SSTR5: variants seen among roughly 807,000 people sequenced by gnomAD.
SSTR5 encodes somatostatin receptor type 5.
SSTR5 carries 1 observed loss-of-function variant against 0.3 expected under a neutral mutation model. The observed-to-expected ratio is 2.98, with a 90% CI of 1.06 to 14.15. The LOEUF is 14.15. Ranked by LOEUF, SSTR5 falls within the 30% of genes most tolerant of loss-of-function variation. The pLI, the probability that SSTR5 is intolerant of heterozygous loss-of-function variation, is 0.12. For missense variants in SSTR5, 516 were observed against 543.2 expected, an observed-to-expected ratio of 0.95 and a Z score of 0.50; for synonymous variants, 256 against 263.1, an observed-to-expected ratio of 0.97 and a Z score of 0.26.
rs775435241 is a variant in SSTR5 at position 1,079,676 on chromosome 16, G to A, written c.808G>A (p.Val270Ile). Residue 270 changes from valine (V) to isoleucine (I), a missense_variant, in exon 2 of 2, where the codon GTC (valine) becomes ATC (isoleucine). Coordinates refer to ENST00000689027, the MANE Select transcript of SSTR5 (RefSeq NM_001172560.3). Reference protein sequence around the residue: ...CWLPFFTVNIVNLAVALPQEP... With the variant: ...CWLPFFTVNIINLAVALPQEP... ...GCTGCCCTTCTTCACCGTCAACATC[G>A]TCAACCTGGCCGTGGCGCTGCCCCA... The A allele has an allele frequency of 5.5e-5, 88 of 1,612,330 alleles. No individual in the cohort carries two copies. The highest frequency in any genetic ancestry group is 1.6e-4 in the East Asian group (7 of 44,872).
chr16:1,075,843 CCTCCCT>C (rs1284940670), intron 1 of SSTR5, among the ~76,000 whole-genome samples: 3 of 147,332 alleles, frequency 2.0e-5, no homozygotes, highest in Admixed American at 6.7e-5. Flanking sequence ...GGCCTCTTCC[CCTCCCT>C]CTCCCTCTCC....
At chr16:1,075,041 C>G (rs1316807790) in intron 1 of SSTR5, among the ~76,000 whole-genome samples, 1 of 152,192 alleles carries the variant, frequency 6.6e-6, no homozygotes, top group Admixed American at 6.5e-5. Flanking sequence ...AAAGCTCCTA[C>G]TGCTGGCTCC....
intron 1 of SSTR5, among the ~76,000 whole-genome samples, chr16:1,073,374 G>C (rs7500290): frequency 0.35 from 53,088 of 152,194 alleles, 9,986 homozygotes; most frequent in East Asian, 0.78. Flanking sequence ...TTGGGTGCCG[G>C]GGGAGGCAAC....
chr16:1,078,330 A>G (rs149687051), intron 1 of SSTR5: 203 of 160,044 alleles, frequency 1.3e-3, no homozygotes, highest in African/African-American at 3.3e-3. Flanking sequence ...GCCACTTCTC[A>G]GGTCGTCCTA....
At chr16:1,078,687 A>T in intron 1 of SSTR5, 155 bp from the exon 2 acceptor site, 1 of 721,318 alleles carries the variant, frequency 1.4e-6, no homozygotes, top group Non-Finnish European at 2.3e-6. Flanking sequence ...CAATTTGCTT[A>T]ACGTGATTCC....
chr16:1,078,963 C>T lies in SSTR5; in HGVS notation c.95C>T (p.Pro32Leu), dbSNP rs749691727. Reference protein sequence around the residue: ...GGGDNRTLVGPAPSAGARAVL... With the variant: ...GGGDNRTLVGLAPSAGARAVL... ...GGTGACAACAGGACGCTGGTGGGGC[C>T]GGCGCCCTCGGCAGGGGCCCGGGCG... is the stretch of plus-strand genomic sequence containing the variant. The change falls in exon 2 of 2, where the codon CCG becomes CTG. Residue 32 changes from proline (P) to leucine (L), a missense_variant. Physicochemically the swap from Pro to Leu is moderately conservative, Grantham distance 98. Transcript: ENST00000689027. 5.3e-5 allele frequency: 84 copies of T among 1,591,220 alleles called. No individual in the cohort carries two copies. Among genetic ancestry groups the T allele is most frequent in the Middle Eastern group, 3.5e-4 (2 of 5,796 alleles).
intron 1 of SSTR5, among the ~76,000 whole-genome samples, chr16:1,076,433 CT>C (rs1203293332): frequency 6.7e-6 from 1 of 149,508 alleles, no homozygotes; most frequent in Non-Finnish European, 1.5e-5. Flanking sequence ...GGAATCCGTC[CT>C]GTCTCTCTGG....
chr16:1,080,009 G>A lies in SSTR5; in HGVS notation c.*46G>A, dbSNP rs750413876. The A allele has an allele frequency of 4.0e-5, 61 of 1,539,494 alleles. No homozygotes were observed. Among genetic ancestry groups the A allele is most frequent in the Non-Finnish European group, 6.1e-6 (7 of 1,144,454 alleles). ...CGGCCCCGTGTCACCCCCAGGAGCG[G>A]AGGTTGCACTGCGGTGACCCCCACC... On this transcript the variant is annotated 3_prime_UTR_variant, in exon 2 of 2. Transcript: ENST00000689027.
Position 1,080,718 on chromosome 16 carries a change from G to A in SSTR5, c.*755G>A, listed in dbSNP as rs1596238715. ...GTGCAGAGGAGAGCTGGGGGCTGAG[G>A]TTGGGGTGAAGGCTGCAGCCCTCCA... On this transcript the variant is annotated 3_prime_UTR_variant, in exon 2 of 2. Transcript: ENST00000689027. 6.6e-6 allele frequency among the ~76,000 whole-genome samples: 1 copy of A among 152,208 alleles called. No individual in the cohort carries two copies. Among genetic ancestry groups the A allele is most frequent in the East Asian group, 1.9e-4 (1 of 5,178 alleles).
Position 1,078,772 on chromosome 16 carries a change from G to A in SSTR5, c.-27-70G>A, listed in dbSNP as rs1331374262. ...CCTGGCAGGCGGGGCTGGGGCCCAG[G>A]AGGAAGGAATGCCTGCATGTGCTGG... On this transcript the variant is annotated intron_variant, in intron 1 of 1. Transcript: ENST00000689027. The A allele has an allele frequency of 2.0e-6, 3 of 1,465,612 alleles. No homozygotes were observed. In the African/African-American group the frequency reaches 4.2e-5, roughly 20 times the overall value. 90.8% of individuals were successfully genotyped at this position (1,465,612 alleles called of 1,614,324 possible).
At chr16:1,073,394 C>T (rs970448807) in intron 1 of SSTR5, among the ~76,000 whole-genome samples, 39 of 152,214 alleles carry the variant, frequency 2.6e-4, no homozygotes, top group Admixed American at 5.2e-4. Flanking sequence ...CTGGTGCCTG[C>T]GCGCAGCTGG....
intron 1 of SSTR5, among the ~76,000 whole-genome samples, chr16:1,075,844 CT>C (rs1960180795): frequency 6.8e-6 from 1 of 146,096 alleles, no homozygotes; most frequent in African/African-American, 2.5e-5. Flanking sequence ...GCCTCTTCCC[CT>C]CCCTCTCCCT....
rs764648847 is a variant in SSTR5 at position 1,079,772 on chromosome 16, G to A, written c.904G>A (p.Val302Ile). 92 of 1,612,216 alleles carry A rather than the reference G, an allele frequency of 5.7e-5. No homozygotes were observed. The Admixed American group carries it at 1.2e-3, about 20-fold the overall frequency. Residue 302 changes from valine (V) to isoleucine (I), a missense_variant, in exon 2 of 2, where the codon GTC (valine) becomes ATC (isoleucine). Coordinates refer to ENST00000689027, the MANE Select transcript of SSTR5 (RefSeq NM_001172560.3). ...LSYANSCANPVLYGFLSDNFR... is the reference protein window; with the variant it reads ...LSYANSCANPILYGFLSDNFR... ...CTACGCCAACAGCTGTGCCAACCCC[G>A]TCCTCTACGGCTTCCTCTCTGACAA...
rs74404661 is a variant in SSTR5 at position 1,074,286 on chromosome 16, G to A, written c.-28+1464G>A. Among the ~76,000 whole-genome samples, 614 of 152,330 alleles carry A rather than the reference G, an allele frequency of 4.0e-3. 3 individuals carry two copies. Among genetic ancestry groups the A allele is most frequent in the Admixed American group, 8.0e-3 (122 of 15,308 alleles). On this transcript the variant is annotated intron_variant, in intron 1 of 1. Coordinates refer to ENST00000689027, the MANE Select transcript of SSTR5 (RefSeq NM_001172560.3). ...TGCCCAGCACACAATGGAGGAGCCC[G>A]GGTGGGTCTGCAGCCTCTCCAGGGT...
Position 1,079,310 on chromosome 16 carries a change from GC to G in SSTR5, c.445del (p.Arg149AlafsTer78). The stretch of plus-strand genomic sequence containing the variant: ...GGCAGTGGTGCACCCGCTGAGCTCG[GC>G]CCGCTGGCGCCGCCCGCGTGTGGCC... ...YLAVVHPLSS[A>X]RWRRPRVAKL... is the part of the protein sequence containing the mutation. On this transcript the variant is annotated frameshift_variant, in exon 2 of 2. Transcript: ENST00000689027. LOFTEE classifies it low-confidence loss of function (END_TRUNC). 6.2e-7 allele frequency: 1 copy of G among 1,609,170 alleles called. No homozygotes were observed. Among genetic ancestry groups the G allele is most frequent in the Non-Finnish European group, 8.5e-7 (1 of 1,178,484 alleles).
Position 1,079,103 on chromosome 16 carries a change from A to G in SSTR5, c.235A>G (p.Ile79Val). The change falls in exon 2 of 2, where the codon ATT (isoleucine) becomes GTT (valine). Residue 79 changes from isoleucine to valine, a missense_variant. Physicochemically the swap from Ile to Val is conservative, Grantham distance 29. Coordinates refer to ENST00000689027, the MANE Select transcript of SSTR5 (RefSeq NM_001172560.3). ...GATGAAGACCGTCACCAACATCTAC[A>G]TTCTCAACCTGGCAGTGGCCGACGT... ...AKMKTVTNIYILNLAVADVLY... is the reference protein window; with the variant it reads ...AKMKTVTNIYVLNLAVADVLY... 3.1e-6 allele frequency: 5 copies of G among 1,612,624 alleles called. No individual in the cohort carries two copies. The highest frequency in any genetic ancestry group is 4.2e-6 in the Non-Finnish European group (5 of 1,179,926).
rs1281335960 is a variant in SSTR5 at position 1,081,040 on chromosome 16, C to A, written c.*1077C>A. On this transcript the variant is annotated 3_prime_UTR_variant, in exon 2 of 2. Transcript: ENST00000689027. ...AGAGGCAGCGGCCGCGCGGGTGACG[C>A]AAATGGCAGGCCCTGGGAATCCCGC... is the stretch of plus-strand genomic sequence containing the variant. The A allele has an allele frequency of 6.4e-6, 3 of 470,336 alleles. No individual in the cohort carries two copies. The highest frequency in any genetic ancestry group is 8.8e-6 in the Non-Finnish European group (2 of 226,684). The allele number at this position is 470,336 out of a possible 1,614,324, so 29.1% of individuals were successfully genotyped here. A position where few individuals can be genotyped will look rare whatever the true frequency, so the allele number is the denominator to read the frequency against.
Position 1,080,128 on chromosome 16 carries a change from A to G in SSTR5, c.*165A>G. 3.3e-6 allele frequency: 3 copies of G among 910,546 alleles called. No individual in the cohort carries two copies. The highest frequency in any genetic ancestry group is 3.3e-6 in the Non-Finnish European group (2 of 614,328). The allele number at this position is 910,546 out of a possible 1,614,324, so 56.4% of individuals were successfully genotyped here. ...GTAGACACAGGGCAGTAGGTTCCCC[A>G]CCGTGACCGACCATCCCCTCTAACC... is the stretch of plus-strand genomic sequence containing the variant. On this transcript the variant is annotated 3_prime_UTR_variant, in exon 2 of 2. Transcript: ENST00000689027.
chr16:1,078,720 T>C (rs1313535737), intron 1 of SSTR5, 122 bp from the exon 2 acceptor site: 14 of 864,922 alleles, frequency 1.6e-5, no homozygotes, highest in East Asian at 5.3e-5. Context: ...ACATGACTAA[T>C]CGTGTTTACC....
Sources: gnomAD v4.1 joint callset for allele counts (sites outside exome capture counted in the v4.1 genomes callset) on GRCh38, gnomAD v4.1.1 for gene constraint, MANE v1.5 for transcripts, NCBI Gene and HGNC (gene_info 2026-07-23, HGNC 2026-07-21) for gene names.